The following NABP1 variants were observed in gnomAD, a reference collection of about 807,000 sequenced individuals.
The protein encoded by NABP1 is SOSS complex subunit B2.
In NABP1, 18 loss-of-function variants were observed where a neutral mutation model predicts 25.0. The observed-to-expected ratio is 0.72, with a 90% CI of 0.50 to 1.07. NABP1 has a LOEUF of 1.07. NABP1 is among the 50% of genes least tolerant of loss of function. The pLI is 0.00. For missense variants in NABP1, 270 were observed against 255.6 expected, an observed-to-expected ratio of 1.06 and a Z score of -0.39; for synonymous variants, 71 against 85.0, an observed-to-expected ratio of 0.84 and a Z score of 0.91.
chr2:191,680,597 C>T (rs543502101), intron 2 of NABP1, among the ~76,000 whole-genome samples: 4 of 152,264 alleles, frequency 2.6e-5, no homozygotes, highest in Non-Finnish European at 4.4e-5. Flanking sequence ...ACGCTAAAAA[C>T]GGCATCTTAT....
intron 5 of NABP1, 136 bp from the exon 6 acceptor site, chr2:191,685,463 G>GTT: frequency 2.1e-4 from 152 of 736,448 alleles, no homozygotes; most frequent in South Asian, 3.0e-4. Context: ...AGCCCACATT[G>GTT]TTTTTTTTTT....
At chr2:191,682,193 G>A in intron 3 of NABP1, 176 bp downstream of exon 3, 1 of 467,410 alleles carries the variant, frequency 2.1e-6, no homozygotes. Context: ...TGTCAGTACT[G>A]TTTTCTGTGG....
chr2:191,683,567 A>G lies in NABP1; in HGVS notation c.303-162A>G. The G allele has an allele frequency of 1.7e-6, 1 of 597,518 alleles. No homozygotes were observed. Among genetic ancestry groups the G allele is most frequent in the East Asian group, 2.9e-5 (1 of 34,344 alleles). 37.0% of individuals were successfully genotyped at this position (597,518 alleles called of 1,614,324 possible). A position where few individuals can be genotyped will look rare whatever the true frequency, so the allele number is the denominator to read the frequency against. On this transcript the variant is annotated intron_variant, in intron 3 of 5. Transcript: ENST00000425611. This position sits in a 1 kb window ranked among gnomAD's most constrained non-coding sequence, Gnocchi z 4.1. Reference sequence around the variant, plus strand: ...AGTCAAATATTTGATGTTTTATGGGACATAATCATTTGGGAAGTTTTTGTT... The same window carrying G: ...AGTCAAATATTTGATGTTTTATGGGGCATAATCATTTGGGAAGTTTTTGTT...
Position 191,678,626 on chromosome 2 carries a change from C to T in NABP1, c.12C>T (p.Val4=), listed in dbSNP as rs1558984723. Residue 4 remains valine (V), a synonymous_variant, in exon 1 of 6, where the codon GTC becomes GTT. Coordinates refer to ENST00000425611, the MANE Select transcript of NABP1 (RefSeq NM_001031716.5). ...GCGCCTGTCCCAATATGAATAGGGT[C>T]AACGACCCACTTATTTTTATAAGAG... MNR[V]NDPLIFIRDI... 2 of 1,613,030 alleles carry T rather than the reference C, an allele frequency of 1.2e-6. No individual in the cohort carries two copies. Among genetic ancestry groups the T allele is most frequent in the South Asian group, 2.2e-5 (2 of 91,000 alleles).
In NABP1 at chr2:191,685,687, A is replaced by G; in HGVS notation, c.534A>G (p.Gln178=). 7 of 1,614,160 alleles carry G rather than the reference A, an allele frequency of 4.3e-6. No homozygotes were observed. The highest frequency in any genetic ancestry group is 5.9e-6 in the Non-Finnish European group (7 of 1,179,996). Residue 178 remains glutamine (Q), a synonymous_variant, in exon 6 of 6, where the codon CAA becomes CAG. Coordinates refer to ENST00000425611, the MANE Select transcript of NABP1 (RefSeq NM_001031716.5). ...RSNGRGLINP[Q]LQGTASNQTV... Reference sequence around the variant, plus strand: ...ATGGCCGGGGACTTATAAATCCACAACTACAAGGAACAGCTAGTAATCAAA... The same window carrying G: ...ATGGCCGGGGACTTATAAATCCACAGCTACAAGGAACAGCTAGTAATCAAA...
intron 2 of NABP1, 58 bp downstream of exon 2, chr2:191,679,186 T>G: frequency 6.2e-7 from 1 of 1,606,918 alleles, no homozygotes; most frequent in Non-Finnish European, 8.5e-7. Context: ...ATTGGCCGGC[T>G]CCTGGGATCT....
chr2:191,681,270 A>T (rs1445629411), intron 2 of NABP1, among the ~76,000 whole-genome samples: 1 of 152,178 alleles, frequency 6.6e-6, no homozygotes, highest in African/African-American at 2.4e-5. Flanking sequence ...CAAACCTTGG[A>T]TTGATTTTAT....
chr2:191,681,269 G>C (rs1328863866), intron 2 of NABP1, among the ~76,000 whole-genome samples: 1 of 152,060 alleles, frequency 6.6e-6, no homozygotes, highest in Non-Finnish European at 1.5e-5. Context: ...CCAAACCTTG[G>C]ATTGATTTTA....
Position 191,686,019 on chromosome 2 carries a change from T to G in NABP1, c.*251T>G. 2.8e-6 allele frequency: 1 copy of G among 362,002 alleles called. No individual in the cohort carries two copies. The highest frequency in any genetic ancestry group is 5.0e-6 in the Non-Finnish European group (1 of 199,320). The allele number at this position is 362,002 out of a possible 1,614,324, so 22.4% of individuals were successfully genotyped here. On this transcript the variant is annotated 3_prime_UTR_variant, in exon 6 of 6. Coordinates refer to ENST00000425611, the MANE Select transcript of NABP1 (RefSeq NM_001031716.5). ...AGTAAAAAGATTATTGGATAGCCTT[T>G]AAAAAACCTGCACCCATTTCATGGG...
At chr2:191,678,885 C>A in intron 1 of NABP1, 105 bp from the exon 2 acceptor site, 2 of 1,465,126 alleles carry the variant, frequency 1.4e-6, no homozygotes, top group Non-Finnish European at 1.9e-6. Flanking sequence ...TGGGCTTGGT[C>A]ACTTCCCACC....
intron 2 of NABP1, 121 bp downstream of exon 2, chr2:191,679,249 T>G: frequency 8.4e-7 from 1 of 1,185,666 alleles, no homozygotes; most frequent in Non-Finnish European, 1.2e-6. Context: ...TGAGGAGTTT[T>G]GAACTCCTTT....
chr2:191,679,009 A>G lies in NABP1; in HGVS notation c.111A>G (p.Lys37=), dbSNP rs1687589650. Reference sequence around the variant, plus strand: ...TCACAGGACGCGTGACCAAAACCAAAGACGGCCATGAAGTGAGATCGTGCA... The same window carrying G: ...TCACAGGACGCGTGACCAAAACCAAGGACGGCCATGAAGTGAGATCGTGCA... The part of the protein sequence containing the change: ...VLEIGRVTKT[K]DGHEVRSCKV... The change falls in exon 2 of 6, where the codon AAA becomes AAG. Residue 37 remains lysine, a synonymous_variant. Transcript: ENST00000425611. 1 of 1,614,122 alleles carries G rather than the reference A, an allele frequency of 6.2e-7. No individual in the cohort carries two copies. The highest frequency in any genetic ancestry group is 1.3e-5 in the African/African-American group (1 of 74,940).
At chr2:191,681,075 T>C (rs80334782) in intron 2 of NABP1, among the ~76,000 whole-genome samples, 5,169 of 152,272 alleles carry the variant, frequency 0.034, 300 homozygotes, top group African/African-American at 0.12. Flanking sequence ...TCTCAAAATA[T>C]GGGTTAATTT....
intron 5 of NABP1, chr2:191,685,019 AT>A (rs1380942478): frequency 6.6e-6 from 1 of 152,064 alleles, no homozygotes; most frequent in Non-Finnish European, 1.5e-5. Flanking sequence ...CACCCAGCTA[AT>A]TTTTATATTT....
chr2:191,678,746 T>C, intron 1 of NABP1, 41 bp downstream of exon 1: 1 of 1,561,778 alleles, frequency 6.4e-7, no homozygotes, highest in Non-Finnish European at 8.7e-7. Flanking sequence ...CCGCTGTGCC[T>C]CCCGGGGCGG....
intron 3 of NABP1, chr2:191,682,310 T>A (rs1687708586): frequency 2.7e-6 from 1 of 367,984 alleles, no homozygotes; most frequent in South Asian, 2.5e-5. Context: ...ATTTTTTAGG[T>A]GTCACAAGAG....
chr2:191,683,693 C>T lies in NABP1; in HGVS notation c.303-36C>T. The T allele has an allele frequency of 6.7e-7, 1 of 1,493,746 alleles. No homozygotes were observed. Among genetic ancestry groups the T allele is most frequent in the Middle Eastern group, 1.7e-4 (1 of 5,794 alleles). The allele number at this position is 1,493,746 out of a possible 1,614,324, so 92.5% of individuals were successfully genotyped here. On this transcript the variant is annotated intron_variant, in intron 3 of 5. Coordinates refer to ENST00000425611, the MANE Select transcript of NABP1 (RefSeq NM_001031716.5). This position sits in a 1 kb window ranked among gnomAD's most constrained non-coding sequence, Gnocchi z 4.1. ...TAAAGAAGGGTTGAGGACTTTATTT[C>T]AGAAGTCATTTAATTTTTTCTTTAT...
In NABP1 at chr2:191,683,402, T is replaced by C. The variant is rs1433914606; in HGVS notation, c.303-327T>C. ...CTGGAACCCTAAACATGGTTCACTC[T>C]CATGTTATTTTTCCTTTGATCAGCT... On this transcript the variant is annotated intron_variant, in intron 3 of 5. Coordinates refer to ENST00000425611, the MANE Select transcript of NABP1 (RefSeq NM_001031716.5). The surrounding 1 kb of genome is among the most constrained non-coding windows in gnomAD (Gnocchi z 4.1). 4 of 302,176 alleles carry C rather than the reference T, an allele frequency of 1.3e-5. No individual in the cohort carries two copies. In the Admixed American group the frequency reaches 2.0e-4, roughly 15 times the overall value. The allele number at this position is 302,176 out of a possible 1,614,324, so 18.7% of individuals were successfully genotyped here.
rs765722304 is a variant in NABP1, at chr2:191,679,081, G to A, written c.183G>A (p.Glu61=). Residue 61 remains glutamate, a synonymous_variant, in exon 2 of 6, where the codon GAG becomes GAA. Coordinates refer to ENST00000425611, the MANE Select transcript of NABP1 (RefSeq NM_001031716.5). ...TGSITISVWD[E]IGGLIQPGDI... ...GCATCACTATTTCCGTGTGGGATGA[G>A]ATCGGAGGTCTTATACAGCCAGGGG... 6.2e-7 allele frequency: 1 copy of A among 1,614,092 alleles called. No homozygotes were observed. The highest frequency in any genetic ancestry group is 1.7e-5 in the Admixed American group (1 of 60,010).
Sources: gnomAD v4.1 joint callset for allele counts (sites outside exome capture counted in the v4.1 genomes callset) on GRCh38, gnomAD v4.1.1 for gene constraint, Gnocchi (gnomAD v3.1) non-coding constraint, MANE v1.5 for transcripts, NCBI Gene and HGNC (gene_info 2026-07-23, HGNC 2026-07-21) for gene names.